WDSUB1: variants seen among roughly 807,000 people sequenced by gnomAD.
The protein encoded by WDSUB1 is WD repeat, SAM and U-box domain-containing protein 1.
Under a neutral mutation model 53.9 loss-of-function variants are expected in WDSUB1, and 49 were observed. The ratio of observed to expected loss-of-function variants is 0.91; its 90% CI spans 0.72 to 1.15. The LOEUF (loss-of-function observed/expected upper bound fraction) is 1.15, where lower values mean the gene tolerates loss of function less well. WDSUB1 is among the 50% of genes most tolerant of loss of function. The pLI, the probability that WDSUB1 is intolerant of heterozygous loss-of-function variation, is 0.00. For synonymous variants in WDSUB1, 194 were observed against 200.6 expected (o/e 0.97, Z 0.28); for missense variants, 514 against 562.0 (o/e 0.91, Z 0.86).
intron 5 of WDSUB1, among the ~76,000 whole-genome samples, chr2:159,261,869 TATATATATATATATATATATATATA>T (rs1405282619): frequency 0.014 from 290 of 21,464 alleles, 20 homozygotes; most frequent in South Asian, 0.021. Context: ...TATATATATA[TATATATATATATATATATATATATA>T]TATTTTTTTT....
intron 5 of WDSUB1, among the ~76,000 whole-genome samples, chr2:159,266,289 C>CT (rs1553457693): frequency 6.6e-6 from 1 of 151,756 alleles, no homozygotes; most frequent in Non-Finnish European, 1.5e-5. Context: ...CCCGGGTTCA[C>CT]GCCACTCTCC....
At chr2:159,270,568 C>T (rs1368411614) in intron 5 of WDSUB1, among the ~76,000 whole-genome samples, 1 of 152,012 alleles carries the variant, frequency 6.6e-6, no homozygotes, top group Non-Finnish European at 1.5e-5. Flanking sequence ...CAAGGGAGTA[C>T]AACAAAATGG....
chr2:159,280,554 A>G lies in WDSUB1; in HGVS notation c.399-609T>C, dbSNP rs372323645. ...AAAATACAAAAAATTAGCCGGGCGT[A>G]GTGGCGGGCGCCTGTAGTCCCAGCT... On this transcript the variant is annotated intron_variant, in intron 2 of 10. Transcript: ENST00000359774. 1.0e-3 allele frequency among the ~76,000 whole-genome samples: 150 copies of G among 148,890 alleles called. 1 individual carries two copies. In the East Asian group the frequency reaches 0.015, roughly 15 times the overall value.
chr2:159,252,665 TAAC>T (rs1237985479), intron 9 of WDSUB1, among the ~76,000 whole-genome samples: 1 of 152,206 alleles, frequency 6.6e-6, no homozygotes, highest in African/African-American at 2.4e-5. Flanking sequence ...TTCAATTACT[TAAC>T]AATAAATGCA....
chr2:159,258,108 A>G (rs1575458490), intron 6 of WDSUB1, 123 bp from the exon 7 acceptor site: 2 of 819,750 alleles, frequency 2.4e-6, no homozygotes, highest in East Asian at 2.6e-5. Context: ...AGTAACTAAC[A>G]TAAGTTGAAA....
intron 10 of WDSUB1, among the ~76,000 whole-genome samples, chr2:159,238,798 G>A (rs760054130): frequency 2.0e-5 from 3 of 147,092 alleles, no homozygotes; most frequent in South Asian, 4.2e-4. Context: ...TAGGTTCCAC[G>A]TGAAGAATCA....
At chr2:159,246,964 T>G (rs535971748) in intron 10 of WDSUB1, among the ~76,000 whole-genome samples, 3 of 150,968 alleles carry the variant, frequency 2.0e-5, no homozygotes, top group Non-Finnish European at 4.4e-5. Context: ...TCACGTGTGG[T>G]TTTTTTTGTA....
At chr2:159,246,536 T>G (rs969095171) in intron 10 of WDSUB1, among the ~76,000 whole-genome samples, 2 of 151,830 alleles carry the variant, frequency 1.3e-5, no homozygotes, top group South Asian at 4.1e-4. Context: ...GTGGAGAAAC[T>G]GGAAGACTCA....
Position 159,241,719 on chromosome 2 carries a change from C to CTT in WDSUB1, c.1274-5531_1274-5530dup, listed in dbSNP as rs527377114. On this transcript the variant is annotated intron_variant, in intron 10 of 10. Coordinates refer to ENST00000359774, the MANE Select transcript of WDSUB1 (RefSeq NM_001128212.3). Reference sequence around the variant, plus strand: ...CATGACTGGGGATGTTTTCTTTTTTCTTTTTTTTTTTGAGATGGAGTCTCA... The same window carrying CTT: ...CATGACTGGGGATGTTTTCTTTTTTCTTTTTTTTTTTTTGAGATGGAGTCTCA... Among the ~76,000 whole-genome samples the CTT allele has an allele frequency of 2.5e-4, 32 of 130,376 alleles. 5 individuals carry two copies. Among genetic ancestry groups the CTT allele is most frequent in the Non-Finnish European group, 4.0e-4 (25 of 63,096 alleles). The allele number at this position is 130,376 out of a possible 152,430, so 85.5% of individuals were successfully genotyped here.
At chr2:159,243,776 A>G (rs2060719028) in intron 10 of WDSUB1, among the ~76,000 whole-genome samples, 1 of 152,188 alleles carries the variant, frequency 6.6e-6, no homozygotes, top group Non-Finnish European at 1.5e-5. Flanking sequence ...AGCCAACAGA[A>G]ATGCATACAT....
chr2:159,242,458 C>T (rs754780122), intron 10 of WDSUB1, among the ~76,000 whole-genome samples: 10 of 146,320 alleles, frequency 6.8e-5, no homozygotes, highest in Non-Finnish European at 1.3e-4. Flanking sequence ...GTTGGGAGAT[C>T]GAGACCATCC....
chr2:159,278,981 G>A (rs1380068544), intron 3 of WDSUB1, among the ~76,000 whole-genome samples: 3 of 152,094 alleles, frequency 2.0e-5, no homozygotes, highest in African/African-American at 4.8e-5. Context: ...AGATTTCAAA[G>A]ACTTAGTACG....
At chr2:159,269,316 G>A (rs1251294682) in intron 5 of WDSUB1, among the ~76,000 whole-genome samples, 1 of 151,824 alleles carries the variant, frequency 6.6e-6, no homozygotes, top group Non-Finnish European at 1.5e-5. Context: ...AATTACAGGT[G>A]CCCACCATCA....
chr2:159,283,029 T>C lies in WDSUB1; in HGVS notation c.41A>G (p.Asp14Gly), dbSNP rs749197258. ...AAAGGAGAAGGCACAGCAGTTGACA[T>C]CGTCACCATGATCAGCTAATGTGTG... ...LIHTLADHGD[D>G]VNCCAFSFSL... The change falls in exon 2 of 11, where the codon GAT becomes GGT. Residue 14 changes from aspartate to glycine, a missense_variant. Asp to Gly is a moderately conservative substitution (Grantham distance 94). Coordinates refer to ENST00000359774, the MANE Select transcript of WDSUB1 (RefSeq NM_001128212.3). The C allele has an allele frequency of 1.2e-5, 19 of 1,613,856 alleles. No homozygotes were observed. Among genetic ancestry groups the C allele is most frequent in the Non-Finnish European group, 1.6e-5 (19 of 1,179,866 alleles).
chr2:159,267,963 T>C (rs1276851106), intron 5 of WDSUB1, among the ~76,000 whole-genome samples: 1 of 152,200 alleles, frequency 6.6e-6, no homozygotes, highest in Non-Finnish European at 1.5e-5. Flanking sequence ...CAACACCATA[T>C]ACCCAAAAGC....
At chr2:159,237,131 G>T (rs1322613149) in intron 10 of WDSUB1, among the ~76,000 whole-genome samples, 1 of 152,166 alleles carries the variant, frequency 6.6e-6, no homozygotes, top group Admixed American at 6.5e-5. Flanking sequence ...AAAACTGAAA[G>T]AAATTTTAAG....
At chr2:159,272,510 CCT>C (rs1408286673) in intron 4 of WDSUB1, among the ~76,000 whole-genome samples, 3 of 152,114 alleles carry the variant, frequency 2.0e-5, no homozygotes, top group African/African-American at 7.2e-5. Flanking sequence ...TGTTTGTTAC[CCT>C]GTCTCACATT....
chr2:159,265,888 A>T (rs768426614), intron 5 of WDSUB1, among the ~76,000 whole-genome samples: 1 of 152,232 alleles, frequency 6.6e-6, no homozygotes, highest in Non-Finnish European at 1.5e-5. Context: ...GTATTTTGCT[A>T]CAGGACCTGT....
Position 159,257,995 on chromosome 2 carries a change from A to G in WDSUB1, c.805-10T>C, listed in dbSNP as rs186260398. 1.2e-6 allele frequency: 2 copies of G among 1,611,716 alleles called. No individual in the cohort carries two copies. The highest frequency in any genetic ancestry group is 2.2e-5 in the East Asian group (1 of 44,838). On this transcript the variant is annotated splice_polypyrimidine_tract_variant and intron_variant, in intron 6 of 10. Transcript: ENST00000359774. Reference sequence around the variant, plus strand: ...GTATATTCTCAGTATTCTGAAAAACAATAAAAACAGCTTTAAATTTACTCA... The same window carrying G: ...GTATATTCTCAGTATTCTGAAAAACGATAAAAACAGCTTTAAATTTACTCA...
Sources: allele counts gnomAD v4.1 joint callset (sites outside exome capture counted in the v4.1 genomes callset), GRCh38; gene constraint gnomAD v4.1.1; transcripts MANE v1.5; gene names NCBI Gene and HGNC (gene_info 2026-07-23, HGNC 2026-07-21).